The following PSMA1 variants were observed in gnomAD, a reference collection of about 807,000 sequenced individuals.
The protein encoded by PSMA1 is proteasome 20S subunit alpha 1.
A neutral mutation model predicts 38.4 loss-of-function variants in PSMA1; 3 were observed. The observed-to-expected ratio is 0.08, with a 90% CI of 0.04 to 0.20. The LOEUF (loss-of-function observed/expected upper bound fraction) is 0.20, where lower values mean the gene tolerates loss of function less well. PSMA1 is among the 10% of genes least tolerant of loss of function. PSMA1 has a pLI of 1.00. For synonymous variants in PSMA1, 101 were observed against 107.1 expected (o/e 0.94, Z 0.35); for missense variants, 227 against 325.3 (o/e 0.70, Z 2.32).
chr11:14,590,658 T>C (rs1310655489), intron 2 of PSMA1, among the ~76,000 whole-genome samples: 1 of 152,186 alleles, frequency 6.6e-6, no homozygotes, highest in Admixed American at 6.5e-5. Flanking sequence ...AGTTGGTTGT[T>C]GGTGATCATC....
Position 14,517,971 on chromosome 11 carries a change from T to A in PSMA1, c.59A>T (p.His20Leu), listed in dbSNP as rs1197913484. The change falls in exon 3 of 10, where the codon CAT (histidine) becomes CTT (leucine). Residue 20 changes from histidine (H) to leucine (L), a missense_variant. Coordinates refer to ENST00000396394, the MANE Select transcript of PSMA1 (RefSeq NM_002786.4). Reference protein sequence around the residue: ...VTVWSPQGRIHQIEYAMEAVK... With the variant: ...VTVWSPQGRILQIEYAMEAVK... ...AGCTTCCATTGCATATTCAATTTGA[T>A]GAATCCTGCCCTAAAGAAAAAAAAA... 1 of 1,600,748 alleles carries A rather than the reference T, an allele frequency of 6.2e-7. No homozygotes were observed. The highest frequency in any genetic ancestry group is 8.5e-7 in the Non-Finnish European group (1 of 1,174,954).
intron 2 of PSMA1, among the ~76,000 whole-genome samples, chr11:14,595,764 A>G (rs1159062685): frequency 1.3e-5 from 2 of 152,154 alleles, no homozygotes; most frequent in African/African-American, 4.8e-5. Flanking sequence ...TCATTTGTCA[A>G]TTTTGGCTTT....
At chr11:14,607,073 G>C (rs1328997686) in intron 2 of PSMA1, among the ~76,000 whole-genome samples, 3 of 152,204 alleles carry the variant, frequency 2.0e-5, no homozygotes, top group Admixed American at 6.5e-5. Flanking sequence ...GCTGAGATGA[G>C]CATTGTAAAA....
intron 4 of PSMA1, among the ~76,000 whole-genome samples, chr11:14,516,249 C>T (rs990347688): frequency 2.6e-5 from 4 of 152,046 alleles, no homozygotes; most frequent in East Asian, 1.9e-4. Flanking sequence ...CTGTTGCCTA[C>T]GCTAGAGTAC....
chr11:14,622,465 T>C (rs1852859283), intron 1 of PSMA1, among the ~76,000 whole-genome samples: 1 of 152,228 alleles, frequency 6.6e-6, no homozygotes, highest in African/African-American at 2.4e-5. Flanking sequence ...AAGGCACTAG[T>C]ATGCTAAAGG....
chr11:14,532,769 G>A (rs1196329883), intron 2 of PSMA1, among the ~76,000 whole-genome samples: 2 of 151,570 alleles, frequency 1.3e-5, no homozygotes, highest in African/African-American at 2.4e-5. Flanking sequence ...CCAACATGGC[G>A]AAACCCCAGC....
At chr11:14,634,674 A>G (rs1853089191) in intron 1 of PSMA1, among the ~76,000 whole-genome samples, 1 of 152,180 alleles carries the variant, frequency 6.6e-6, no homozygotes, top group African/African-American at 2.4e-5. Flanking sequence ...CCATGATACA[A>G]GAAGTAGTAG....
chr11:14,597,445 A>G (rs1458600574), intron 2 of PSMA1, among the ~76,000 whole-genome samples: 1 of 152,136 alleles, frequency 6.6e-6, no homozygotes, highest in Non-Finnish European at 1.5e-5. Context: ...CTATTCAGAG[A>G]TTCAACTTCT....
intron 2 of PSMA1, among the ~76,000 whole-genome samples, chr11:14,577,733 C>A (rs1245705326): frequency 1.3e-5 from 2 of 152,126 alleles, no homozygotes; most frequent in African/African-American, 4.8e-5. Flanking sequence ...ATGCTCAAGG[C>A]CACACAGCTT....
In PSMA1 at chr11:14,591,758, C is replaced by T. The variant is rs185181087; in HGVS notation, c.21+19208G>A. On this transcript the variant is annotated intron_variant, in intron 2 of 10. Coordinates refer to the PSMA1 transcript ENST00000418988. ...CAGGGATTGTAAAGGCACCAATCAG[C>T]GCCCTGTTAAAACAGGCCACTTGGC... Among the ~76,000 whole-genome samples, 294 of 152,208 alleles carry T rather than the reference C, an allele frequency of 1.9e-3. 1 individual carries two copies. Among genetic ancestry groups the T allele is most frequent in the Admixed American group, 0.012 (188 of 15,286 alleles).
intron 2 of PSMA1, among the ~76,000 whole-genome samples, chr11:14,577,180 G>T (rs116947529): frequency 0.017 from 2,596 of 152,234 alleles, 39 homozygotes; most frequent in Non-Finnish European, 0.026. Flanking sequence ...TAAGAAATCA[G>T]TATGTTATTT....
intron 4 of PSMA1, among the ~76,000 whole-genome samples, chr11:14,515,307 T>A (rs1378808723): frequency 6.6e-6 from 1 of 152,164 alleles, no homozygotes; most frequent in African/African-American, 2.4e-5. Context: ...CTAGACTGAA[T>A]TGAGATGTAC....
intron 1 of PSMA1, among the ~76,000 whole-genome samples, chr11:14,633,354 A>C (rs893261741): frequency 1.3e-5 from 2 of 151,962 alleles, no homozygotes; most frequent in Non-Finnish European, 2.9e-5. Context: ...TTTCCTTCTA[A>C]CAGACAGGAC....
At chr11:14,612,913 G>A (rs913494934) in intron 1 of PSMA1, among the ~76,000 whole-genome samples, 10 of 152,000 alleles carry the variant, frequency 6.6e-5, no homozygotes, top group East Asian at 1.9e-4. Flanking sequence ...TTTGTGGGCC[G>A]GGCGGGCTGG....
intron 2 of PSMA1, among the ~76,000 whole-genome samples, chr11:14,594,000 T>A (rs1852454020): frequency 6.6e-6 from 1 of 152,186 alleles, no homozygotes; most frequent in South Asian, 2.1e-4. Flanking sequence ...TAAAGGCAAG[T>A]CTGCCTGGGG....
At chr11:14,528,947 C>T (rs1565037437) in intron 2 of PSMA1, among the ~76,000 whole-genome samples, 1 of 152,050 alleles carries the variant, frequency 6.6e-6, no homozygotes, top group Non-Finnish European at 1.5e-5. Context: ...TGATAATCCA[C>T]CACCCGTTGC....
upstream of PSMA1, among the ~76,000 whole-genome samples, chr11:14,521,837 A>G (rs1589982076): frequency 6.6e-6 from 1 of 152,080 alleles, no homozygotes; most frequent in African/African-American, 2.4e-5. Flanking sequence ...TACTCTCAAC[A>G]GTAGTATATG....
At chr11:14,508,667 T>C (rs543454535) in intron 8 of PSMA1, among the ~76,000 whole-genome samples, 35 of 151,472 alleles carry the variant, frequency 2.3e-4, no homozygotes, top group South Asian at 6.2e-4. Flanking sequence ...ATGATAGCGA[T>C]TGGAGCAGAG....
At chr11:14,526,556 C>T (rs559636668) in intron 2 of PSMA1, among the ~76,000 whole-genome samples, 16 of 152,290 alleles carry the variant, frequency 1.1e-4, no homozygotes, top group Admixed American at 9.1e-4. Context: ...CTACAGCTCT[C>T]ATAATTTCCA....
Sources: allele counts gnomAD v4.1 joint callset (sites outside exome capture counted in the v4.1 genomes callset), GRCh38; gene constraint gnomAD v4.1.1; transcripts MANE v1.5; gene names NCBI Gene and HGNC (gene_info 2026-07-23, HGNC 2026-07-21).